The following IKBKB variants were observed in gnomAD, a reference collection of about 807,000 sequenced individuals.
IKBKB encodes the protein inhibitor of nuclear factor kappa B kinase subunit beta, also known as inhibitor of nuclear factor kappa-B kinase subunit beta.
A neutral mutation model predicts 113.6 loss-of-function variants in IKBKB; 42 were observed. That is an observed-to-expected ratio of 0.37 (90% CI 0.29 to 0.48). The LOEUF (loss-of-function observed/expected upper bound fraction) is 0.48. Ranked by LOEUF, IKBKB falls within the 20% of genes least tolerant of loss-of-function variation. The pLI, the probability that IKBKB is intolerant of heterozygous loss-of-function variation, is 0.99. For missense variants in IKBKB, 673 were observed against 939.7 expected (o/e 0.72, Z 3.71); for synonymous variants, 296 against 361.3 (o/e 0.82, Z 2.05).
chr8:42,286,970 G>C (rs534161551), intron 2 of IKBKB, among the ~76,000 whole-genome samples: 46 of 152,304 alleles, frequency 3.0e-4, no homozygotes, highest in African/African-American at 8.4e-4. Flanking sequence ...TGTTGGTGCA[G>C]GTCAGCTTGT....
At chr8:42,273,174 T>C (rs1219271919) in intron 2 of IKBKB, among the ~76,000 whole-genome samples, 1 of 152,084 alleles carries the variant, frequency 6.6e-6, no homozygotes, top group Non-Finnish European at 1.5e-5. Flanking sequence ...CCCAGCACTT[T>C]GGGAGGCCGA....
At chr8:42,304,597 CTG>C (rs1655218478) in intron 5 of IKBKB, among the ~76,000 whole-genome samples, 1 of 152,166 alleles carries the variant, frequency 6.6e-6, no homozygotes, top group Non-Finnish European at 1.5e-5. Context: ...GTAGGGCTGT[CTG>C]TATGTGTGGG....
In IKBKB at chr8:42,293,468, G is replaced by A; in HGVS notation, c.344G>A (p.Cys115Tyr). 1.2e-6 allele frequency: 2 copies of A among 1,614,192 alleles called. No homozygotes were observed. Among genetic ancestry groups the A allele is most frequent in the Non-Finnish European group, 8.5e-7 (1 of 1,180,034 alleles). ...RKYLNQFENC[C>Y]GLREGAILTL... is the part of the protein sequence containing the mutation. ...TACCTGAACCAGTTTGAGAACTGCT[G>A]TGGTCTGCGGGAAGGTGCCATCCTC... The change falls in exon 5 of 22, where the codon TGT (cysteine) becomes TAT (tyrosine). Residue 115 changes from cysteine (C) to tyrosine (Y), a missense_variant. Transcript: ENST00000520810.
At chr8:42,280,427 AGAG>A (rs1360117351) in intron 2 of IKBKB, among the ~76,000 whole-genome samples, 1 of 152,152 alleles carries the variant, frequency 6.6e-6, no homozygotes, top group Non-Finnish European at 1.5e-5. Flanking sequence ...ATACAAAGGA[AGAG>A]GAGGAGGAGA....
chr8:42,311,465 A>G (rs1817668822), intron 8 of IKBKB, among the ~76,000 whole-genome samples: 1 of 151,420 alleles, frequency 6.6e-6, no homozygotes, highest in South Asian at 2.1e-4. Context: ...GGAGGCTGAA[A>G]CAGGAGAATC....
intron 19 of IKBKB, among the ~76,000 whole-genome samples, chr8:42,323,959 C>T (rs1820255575): frequency 2.0e-5 from 3 of 152,200 alleles, no homozygotes; most frequent in Admixed American, 2.0e-4. Context: ...CAGACAGAGG[C>T]ATGAGTGAGA....
At chr8:42,273,819 C>G (rs191342990) in intron 2 of IKBKB, among the ~76,000 whole-genome samples, 6 of 152,084 alleles carry the variant, frequency 3.9e-5, no homozygotes, top group African/African-American at 1.4e-4. Flanking sequence ...TCTCAAAGTG[C>G]TGGGATTACA....
chr8:42,300,170 A>T (rs1814880071), intron 5 of IKBKB, among the ~76,000 whole-genome samples: 1 of 151,986 alleles, frequency 6.6e-6, no homozygotes, highest in African/African-American at 2.4e-5. Context: ...CTTTAGCCAG[A>T]CTCAGTCTCT....
Position 42,331,297 on chromosome 8 carries a change from A to G in IKBKB, c.*318A>G, listed in dbSNP as rs199657547. On this transcript the variant is annotated 3_prime_UTR_variant, in exon 22 of 22. Transcript: ENST00000520810. Reference sequence around the variant, plus strand: ...CCCAGCGCACATCGCTGGCCCCACAAACGTTCAGGGGTACAGCCATGGCAG... The same window carrying G: ...CCCAGCGCACATCGCTGGCCCCACAGACGTTCAGGGGTACAGCCATGGCAG... 1.4e-6 allele frequency: 1 copy of G among 702,384 alleles called. No homozygotes were observed. Among genetic ancestry groups the G allele is most frequent in the Non-Finnish European group, 2.6e-6 (1 of 385,110 alleles). 43.5% of individuals were successfully genotyped at this position (702,384 alleles called of 1,614,324 possible). A position where few individuals can be genotyped will look rare whatever the true frequency, so the allele number is the denominator to read the frequency against.
chr8:42,276,598 G>A (rs1809143807), intron 2 of IKBKB, among the ~76,000 whole-genome samples: 1 of 151,796 alleles, frequency 6.6e-6, no homozygotes, highest in Non-Finnish European at 1.5e-5. Context: ...AAGCTTTTTA[G>A]TTTGATGTAA....
chr8:42,331,747 G>A lies in IKBKB; in HGVS notation c.*768G>A. 2.8e-6 allele frequency: 1 copy of A among 355,300 alleles called. No individual in the cohort carries two copies. The highest frequency in any genetic ancestry group is 5.3e-6 in the Non-Finnish European group (1 of 188,480). 22.0% of individuals were successfully genotyped at this position (355,300 alleles called of 1,614,324 possible). A position where few individuals can be genotyped will look rare whatever the true frequency, so the allele number is the denominator to read the frequency against. On this transcript the variant is annotated 3_prime_UTR_variant, in exon 22 of 22. Transcript: ENST00000520810. ...TTATTCTGAATCCCAAAAATTACTT[G>A]GGGGTGATTGTCACAGAGGAGGGAC... is the stretch of plus-strand genomic sequence containing the variant.
chr8:42,289,164 G>A (rs1812051267), intron 3 of IKBKB, among the ~76,000 whole-genome samples: 3 of 152,144 alleles, frequency 2.0e-5, no homozygotes, highest in African/African-American at 4.8e-5. Context: ...GCAGTGAGCC[G>A]AGATCAAGCC....
chr8:42,292,162 C>T (rs1177421145), intron 4 of IKBKB, among the ~76,000 whole-genome samples: 4 of 152,128 alleles, frequency 2.6e-5, no homozygotes, highest in Admixed American at 1.3e-4. Context: ...GACAGTCACC[C>T]ATTACTAACT....
At chr8:42,317,046 G>GGA (rs770811366) in intron 11 of IKBKB, 142 bp downstream of exon 11, 1 of 788,702 alleles carries the variant, frequency 1.3e-6, no homozygotes, top group South Asian at 1.5e-5. Flanking sequence ...TTTTTAAGTT[G>GGA]GAGTATGGTG....
In IKBKB at chr8:42,316,617, A is replaced by G; in HGVS notation, c.931-93A>G. On this transcript the variant is annotated intron_variant, in intron 10 of 21. Transcript: ENST00000520810. This position sits in a 1 kb window ranked among gnomAD's most constrained non-coding sequence, Gnocchi z 4.5. Reference sequence around the variant, plus strand: ...AGGCCCTTGCTTTGTGTGGTTGGGAAATGTTGGGAGTAGCAGAGAGAGGAC... The same window carrying G: ...AGGCCCTTGCTTTGTGTGGTTGGGAGATGTTGGGAGTAGCAGAGAGAGGAC... 1 of 1,232,964 alleles carries G rather than the reference A, an allele frequency of 8.1e-7. No individual in the cohort carries two copies. The highest frequency in any genetic ancestry group is 1.1e-6 in the Non-Finnish European group (1 of 887,988). 76.4% of individuals were successfully genotyped at this position (1,232,964 alleles called of 1,614,324 possible).
At chr8:42,299,841 G>T (rs978675876) in intron 5 of IKBKB, among the ~76,000 whole-genome samples, 17 of 152,338 alleles carry the variant, frequency 1.1e-4, no homozygotes, top group African/African-American at 4.1e-4. Flanking sequence ...GGGTCACGGG[G>T]ATTTTCCTGT....
intron 8 of IKBKB, among the ~76,000 whole-genome samples, chr8:42,312,842 G>A (rs150921877): frequency 2.4e-4 from 36 of 152,304 alleles, no homozygotes; most frequent in African/African-American, 7.7e-4. Flanking sequence ...GAATTGTTTG[G>A]AGCAAAGCAT....
intron 8 of IKBKB, among the ~76,000 whole-genome samples, chr8:42,313,535 T>C (rs1225493503): frequency 1.3e-5 from 2 of 152,230 alleles, no homozygotes; most frequent in Non-Finnish European, 2.9e-5. Context: ...TATTTAGCTG[T>C]GTACATTTAG....
chr8:42,317,554 T>C (rs1585767747), intron 11 of IKBKB, 103 bp from the exon 12 acceptor site: 5 of 767,228 alleles, frequency 6.5e-6, no homozygotes, highest in South Asian at 3.0e-5. Context: ...CTGAAGATGA[T>C]GCTCTTGCTG....
Sources: gnomAD v4.1 joint callset for allele counts (sites outside exome capture counted in the v4.1 genomes callset) on GRCh38, gnomAD v4.1.1 for gene constraint, Gnocchi (gnomAD v3.1) non-coding constraint, MANE v1.5 for transcripts, NCBI Gene and HGNC (gene_info 2026-07-23, HGNC 2026-07-21) for gene names.